SLIT3: variants seen among roughly 807,000 people sequenced by gnomAD.
SLIT3 encodes slit homolog 3 protein.
SLIT3 carries 68 observed loss-of-function variants against 184.0 expected under a neutral mutation model. The observed-to-expected ratio is 0.37, with a 90% confidence interval of 0.30 to 0.45. The LOEUF (loss-of-function observed/expected upper bound fraction) is 0.45. Among genes scored for constraint, SLIT3 ranks in the 20% least tolerant of loss-of-function variants. The pLI is 1.00. For missense variants in SLIT3, 1,707 were observed against 2,026.0 expected, an observed-to-expected ratio of 0.84 and a Z score of 3.02; for synonymous variants, 831 against 828.6, an observed-to-expected ratio of 1.00 and a Z score of -0.05.
intron 4 of SLIT3, among the ~76,000 whole-genome samples, chr5:168,884,291 GT>G (rs1031696747): frequency 6.6e-6 from 1 of 151,400 alleles, no homozygotes; most frequent in African/African-American, 2.4e-5. Flanking sequence ...CTTCCAGGCT[GT>G]TCCCGCACAG....
intron 22 of SLIT3, 146 bp from the exon 23 acceptor site, chr5:168,722,473 C>A: frequency 1.4e-6 from 1 of 692,428 alleles, no homozygotes; most frequent in Non-Finnish European, 2.5e-6. Context: ...GACAAGAAAC[C>A]TCTTCACCAA....
At chr5:168,943,329 T>C (rs1464169192) in intron 4 of SLIT3, among the ~76,000 whole-genome samples, 1 of 152,190 alleles carries the variant, frequency 6.6e-6, no homozygotes, top group African/African-American at 2.4e-5. Flanking sequence ...ACTAAATTAG[T>C]TGTTCAAAAC....
intron 5 of SLIT3, among the ~76,000 whole-genome samples, chr5:168,876,884 T>C (rs1330800117): frequency 6.6e-6 from 1 of 152,206 alleles, no homozygotes; most frequent in Non-Finnish European, 1.5e-5. Flanking sequence ...TAATACAATA[T>C]GGTATATTAT....
intron 3 of SLIT3, among the ~76,000 whole-genome samples, chr5:169,217,544 A>C (rs1764480233): frequency 6.6e-6 from 1 of 152,146 alleles, no homozygotes; most frequent in Non-Finnish European, 1.5e-5. Flanking sequence ...GGTCTAATGA[A>C]GAGCTAGTGG....
At chr5:168,974,190 C>A (rs747034125) in intron 4 of SLIT3, among the ~76,000 whole-genome samples, 2 of 152,300 alleles carry the variant, frequency 1.3e-5, no homozygotes. Context: ...TACTTTGCAG[C>A]GTTGTTGGAC....
chr5:169,110,213 G>A (rs1760362551), intron 4 of SLIT3, among the ~76,000 whole-genome samples: 1 of 152,180 alleles, frequency 6.6e-6, no homozygotes, highest in South Asian at 2.1e-4. Flanking sequence ...CTACTTTCAT[G>A]TTATAACTGC....
At chr5:169,187,726 G>A (rs954815672) in intron 4 of SLIT3, among the ~76,000 whole-genome samples, 1 of 151,748 alleles carries the variant, frequency 6.6e-6, no homozygotes, top group African/African-American at 2.4e-5. Flanking sequence ...GCTAATTTTT[G>A]TATTTTTAGT....
chr5:168,863,646 T>G (rs1759193161), intron 5 of SLIT3, among the ~76,000 whole-genome samples: 1 of 152,174 alleles, frequency 6.6e-6, no homozygotes, highest in South Asian at 2.1e-4. Flanking sequence ...CTGTGAGTTC[T>G]TGCTGGGAAA....
chr5:169,119,660 A>G (rs1328910756), intron 4 of SLIT3, among the ~76,000 whole-genome samples: 1 of 152,206 alleles, frequency 6.6e-6, no homozygotes. Context: ...AGACTCATGC[A>G]GGAGGAAAGA....
intron 12 of SLIT3, among the ~76,000 whole-genome samples, chr5:168,774,771 C>T (rs141262369): frequency 3.3e-5 from 5 of 152,324 alleles, no homozygotes; most frequent in East Asian, 3.9e-4. Context: ...TGACTGACTA[C>T]GGGCAATTTG....
intron 5 of SLIT3, among the ~76,000 whole-genome samples, chr5:168,862,218 C>T (rs1875973): frequency 0.12 from 17,792 of 152,050 alleles, 2,168 homozygotes; most frequent in African/African-American, 0.31. Context: ...GGGGAAAGGG[C>T]GGCAGGTGGC....
intron 4 of SLIT3, among the ~76,000 whole-genome samples, chr5:169,074,012 G>A (rs899980489): frequency 6.6e-6 from 1 of 152,154 alleles, no homozygotes; most frequent in African/African-American, 2.4e-5. Context: ...GTACCGCAAG[G>A]GAATAAGGAG....
intron 17 of SLIT3, 28 bp downstream of exon 17, chr5:168,753,836 T>C (rs1414411487): frequency 1.2e-6 from 2 of 1,603,748 alleles, no homozygotes; most frequent in Non-Finnish European, 1.7e-6. Flanking sequence ...CTCTGGGTCT[T>C]GGCCCAGGCC....
chr5:168,689,690 G>A (rs1172883313), intron 29 of SLIT3, among the ~76,000 whole-genome samples: 1 of 152,248 alleles, frequency 6.6e-6, no homozygotes, highest in Non-Finnish European at 1.5e-5. Flanking sequence ...CATTGAGGGA[G>A]AGGGAACGTA....
rs76665555 is a variant in SLIT3, at chr5:169,299,298, G to A, written c.197+1215C>T. On this transcript the variant is annotated intron_variant, in intron 1 of 35. Transcript: ENST00000519560. ...CAGTTCTGCTGAGTCTCCACCCAGAGATGCACAAAGAAGTGGAAGAGAAGA... is the reference window on the plus strand; with the variant it reads ...CAGTTCTGCTGAGTCTCCACCCAGAAATGCACAAAGAAGTGGAAGAGAAGA... 3.5e-3 allele frequency among the ~76,000 whole-genome samples: 540 copies of A among 152,312 alleles called. 1 individual carries two copies. Among genetic ancestry groups the A allele is most frequent in the African/African-American group, 0.012 (503 of 41,560 alleles).
chr5:168,824,891 T>C (rs1212439226), intron 6 of SLIT3, among the ~76,000 whole-genome samples: 6 of 152,238 alleles, frequency 3.9e-5, no homozygotes, highest in African/African-American at 1.4e-4. Context: ...CCTTGGCTTT[T>C]CGTAAACACA....
chr5:168,746,322 ATGTGGTGTGTGAG>A (rs147074121), intron 20 of SLIT3, among the ~76,000 whole-genome samples: 578 of 61,630 alleles, frequency 9.4e-3, no homozygotes, highest in South Asian at 0.021. Flanking sequence ...GTGTGGTGGT[ATGTGGTGTGTGAG>A]TGTGGTGGTG....
intron 10 of SLIT3, chr5:168,792,439 C>T (rs1315559859): frequency 6.6e-6 from 1 of 152,208 alleles, no homozygotes; most frequent in Non-Finnish European, 1.5e-5. Context: ...TCATATACTT[C>T]AGGCCGCAAT....
rs754821137 is a variant in SLIT3 at position 169,237,794 on chromosome 5, CTT to C, written c.341+6909_341+6910del. Among the ~76,000 whole-genome samples, 22 of 152,090 alleles carry C rather than the reference CTT, an allele frequency of 1.4e-4. 1 individual carries two copies. The highest frequency in any genetic ancestry group is 2.4e-4 in the Non-Finnish European group (16 of 67,984). On this transcript the variant is annotated intron_variant, in intron 3 of 35. Coordinates refer to ENST00000519560, the MANE Select transcript of SLIT3 (RefSeq NM_003062.4). Reference sequence around the variant, plus strand: ...TGCTTACTGTTGAGTTTTTAAATCTCTTTGTATATTTTGCATATAAATTCTTT... The same window carrying C: ...TGCTTACTGTTGAGTTTTTAAATCTCTGTATATTTTGCATATAAATTCTTT...
Sources: gnomAD v4.1 joint callset for allele counts (sites outside exome capture counted in the v4.1 genomes callset) on GRCh38, gnomAD v4.1.1 for gene constraint, MANE v1.5 for transcripts, NCBI Gene and HGNC (gene_info 2026-07-23, HGNC 2026-07-21) for gene names.